MAGI2: variants seen among roughly 807,000 people sequenced by gnomAD.
MAGI2 encodes membrane associated guanylate kinase, WW and PDZ domain containing 2.
Under a neutral mutation model 133.3 loss-of-function variants are expected in MAGI2, and 35 were observed. That is an observed-to-expected ratio of 0.26 (90% CI 0.20 to 0.35). The LOEUF (loss-of-function observed/expected upper bound fraction) is 0.35, where lower values mean the gene tolerates loss of function less well. MAGI2 is among the 10% of genes least tolerant of loss of function. MAGI2 has a pLI of 1.00. For synonymous variants in MAGI2, 729 were observed against 710.6 expected (o/e 1.03, Z -0.41); for missense variants, 1,636 against 1,863.4 (o/e 0.88, Z 2.25).
At chr7:79,127,136 T>A (rs1174630743) in intron 1 of MAGI2, among the ~76,000 whole-genome samples, 3 of 152,188 alleles carry the variant, frequency 2.0e-5, no homozygotes, top group Non-Finnish European at 4.4e-5. Context: ...GAACTCATCC[T>A]TTTTTATGGC....
chr7:79,164,627 T>C (rs542076385), intron 1 of MAGI2, among the ~76,000 whole-genome samples: 76 of 152,130 alleles, frequency 5.0e-4, no homozygotes, highest in African/African-American at 1.8e-3. Context: ...TTTTTTTTGA[T>C]CCCAGGTCTT....
chr7:78,816,693 A>G (rs1584007615), intron 2 of MAGI2, among the ~76,000 whole-genome samples: 1 of 152,178 alleles, frequency 6.6e-6, no homozygotes, highest in Non-Finnish European at 1.5e-5. Context: ...AACATGGGTT[A>G]CTGAATATTT....
At chr7:78,124,787 A>G (rs1002071707) in intron 20 of MAGI2, among the ~76,000 whole-genome samples, 8 of 152,142 alleles carry the variant, frequency 5.3e-5, no homozygotes, top group Non-Finnish European at 5.9e-5. Flanking sequence ...TTACCCATCA[A>G]TCAGATGCCT....
chr7:78,996,608 T>A (rs767141162), intron 2 of MAGI2, among the ~76,000 whole-genome samples: 1 of 152,144 alleles, frequency 6.6e-6, no homozygotes, highest in Non-Finnish European at 1.5e-5. Context: ...CAAACCCCCA[T>A]GATACAAGTT....
chr7:79,025,437 C>G (rs567060443), intron 1 of MAGI2, among the ~76,000 whole-genome samples: 2 of 152,194 alleles, frequency 1.3e-5, no homozygotes, highest in South Asian at 4.1e-4. Context: ...AATTTGTAAA[C>G]CAAACTCCTG....
intron 10 of MAGI2, chr7:78,252,121 G>C (rs1352870986): frequency 1.5e-5 from 2 of 133,690 alleles, no homozygotes; most frequent in African/African-American, 5.8e-5. Context: ...TTATGCAACA[G>C]AGTGAGACCC....
chr7:78,394,336 T>C (rs953494665), intron 6 of MAGI2, among the ~76,000 whole-genome samples: 11 of 152,206 alleles, frequency 7.2e-5, no homozygotes, highest in African/African-American at 2.2e-4. Flanking sequence ...TAGGAGAGTT[T>C]TGGTGCTTTC....
chr7:78,227,368 A>G (rs1789494848), intron 10 of MAGI2, among the ~76,000 whole-genome samples: 2 of 152,188 alleles, frequency 1.3e-5, no homozygotes, highest in South Asian at 2.1e-4. Flanking sequence ...ATTACCCAAC[A>G]GTATCTTGAT....
chr7:78,615,527 A>C (rs996608934), intron 3 of MAGI2: 1 of 152,182 alleles, frequency 6.6e-6, no homozygotes. Context: ...GCATGGAGAA[A>C]TCTTTCTGTT....
intron 2 of MAGI2, among the ~76,000 whole-genome samples, chr7:78,899,111 A>G (rs1177459273): frequency 6.6e-6 from 1 of 152,146 alleles, no homozygotes; most frequent in African/African-American, 2.4e-5. Context: ...CTTAACCAAC[A>G]AGAAGATTTC....
chr7:78,477,061 T>C (rs1196916901), intron 6 of MAGI2, among the ~76,000 whole-genome samples: 1 of 151,936 alleles, frequency 6.6e-6, no homozygotes, highest in Non-Finnish European at 1.5e-5. Flanking sequence ...ATAGTTAATG[T>C]TCAATTACTT....
intron 3 of MAGI2, among the ~76,000 whole-genome samples, chr7:78,572,974 C>T (rs1220193326): frequency 1.5e-5 from 2 of 136,228 alleles, no homozygotes; most frequent in Non-Finnish European, 3.1e-5. Context: ...TTTAAAGTTT[C>T]TGTATTAGTC....
chr7:78,459,996 A>T (rs990658789), intron 6 of MAGI2, among the ~76,000 whole-genome samples: 1 of 152,238 alleles, frequency 6.6e-6, no homozygotes, highest in Non-Finnish European at 1.5e-5. Flanking sequence ...ACCCCAGGGC[A>T]TTTATTTTGC....
intron 20 of MAGI2, among the ~76,000 whole-genome samples, chr7:78,104,733 A>T (rs1369253493): frequency 6.6e-6 from 1 of 152,122 alleles, no homozygotes; most frequent in African/African-American, 2.4e-5. Context: ...TGTTTCAAGA[A>T]CCAGTTCTGA....
At chr7:79,295,838 C>A (rs116474577) in intron 1 of MAGI2, among the ~76,000 whole-genome samples, 5 of 151,934 alleles carry the variant, frequency 3.3e-5, no homozygotes, top group African/African-American at 1.2e-4. Flanking sequence ...TAATTTTAAA[C>A]GTGATCAAGA....
In MAGI2 at chr7:78,594,691, C is replaced by T. The variant is rs969993624; in HGVS notation, c.538+32429G>A. On this transcript the variant is annotated intron_variant, in intron 3 of 21. Transcript: ENST00000354212. ...CAGGATGGTCTTGATCTCTTGATCT[C>T]GTGATCTGCCTGCCTCGGCCTCCCA... 7.2e-5 allele frequency among the ~76,000 whole-genome samples: 11 copies of T among 152,078 alleles called. No homozygotes were observed. The South Asian group carries it at 8.3e-4, about 11-fold the overall frequency.
intron 21 of MAGI2, among the ~76,000 whole-genome samples, chr7:78,045,824 G>T (rs1022207276): frequency 6.6e-6 from 1 of 152,134 alleles, no homozygotes; most frequent in Non-Finnish European, 1.5e-5. Flanking sequence ...GATGGGAGAT[G>T]TTACATTTCA....
intron 1 of MAGI2, chr7:79,008,845 C>G (rs969295849): frequency 1.3e-5 from 2 of 152,128 alleles, no homozygotes; most frequent in African/African-American, 4.8e-5. Flanking sequence ...GTTTAGAAAT[C>G]CTGAAATTCT....
chr7:79,036,531 G>A (rs1369993350), intron 1 of MAGI2, among the ~76,000 whole-genome samples: 1 of 152,140 alleles, frequency 6.6e-6, no homozygotes, highest in Non-Finnish European at 1.5e-5. Context: ...TTTTAGCTTT[G>A]TCTCCTCTTT....
Sources: gnomAD v4.1 joint callset for allele counts (sites outside exome capture counted in the v4.1 genomes callset) on GRCh38, gnomAD v4.1.1 for gene constraint, MANE v1.5 for transcripts, NCBI Gene and HGNC (gene_info 2026-07-23, HGNC 2026-07-21) for gene names.